The following SYCP1 variants were observed in gnomAD, a reference collection of about 807,000 sequenced individuals.
SYCP1 encodes synaptonemal complex protein 1.
SYCP1 carries 64 observed loss-of-function variants against 153.1 expected under a neutral mutation model. The observed-to-expected ratio is 0.42, with a 90% CI of 0.34 to 0.51. SYCP1 has a LOEUF of 0.51. Ranked by LOEUF, SYCP1 falls within the 20% of genes least tolerant of loss-of-function variation. The pLI is 0.06. For synonymous variants in SYCP1, 384 were observed against 341.8 expected, an observed-to-expected ratio of 1.12 and a Z score of -1.36; for missense variants, 997 against 1,049.0, an observed-to-expected ratio of 0.95 and a Z score of 0.68.
intron 27 of SYCP1, among the ~76,000 whole-genome samples, chr1:114,974,376 A>G (rs1042310771): frequency 6.6e-6 from 1 of 151,936 alleles, no homozygotes; most frequent in African/African-American, 2.4e-5. Context: ...TAAGTGCACC[A>G]TCTTAACACT....
chr1:114,926,507 G>A lies in SYCP1; in HGVS notation c.1870G>A (p.Ala624Thr). The part of the protein sequence containing the change: ...YIEELQQENK[A>T]LKKKGTAESK... The stretch of plus-strand genomic sequence containing the variant: ...TTATTTTTAATTTTAACAGAATAAG[G>A]CCTTGAAAAAAAAAGGTACAGCAGA... The change falls in exon 23 of 32, where the codon GCC (alanine) becomes ACC (threonine). Residue 624 changes from alanine (A) to threonine (T), a missense_variant. Ala to Thr is a moderately conservative substitution (Grantham distance 58). This residue lies in a region of SYCP1 where 712 missense variants were observed against 682.9 expected (regional missense o/e 1.04). Transcript: ENST00000369522. 1.3e-6 allele frequency: 2 copies of A among 1,578,918 alleles called. No homozygotes were observed. The highest frequency in any genetic ancestry group is 1.7e-5 in the Admixed American group (1 of 57,144).
At chr1:114,874,860 T>G (rs1665401994) in intron 9 of SYCP1, among the ~76,000 whole-genome samples, 2 of 152,188 alleles carry the variant, frequency 1.3e-5, no homozygotes, top group Non-Finnish European at 2.9e-5. Flanking sequence ...ATATAAAGTA[T>G]TATTCATCTG....
chr1:114,915,725 T>C (rs573282431), intron 20 of SYCP1, among the ~76,000 whole-genome samples: 1 of 152,320 alleles, frequency 6.6e-6, no homozygotes, highest in South Asian at 2.1e-4. Flanking sequence ...GAATTCTGTC[T>C]AGAGGGCTAG....
chr1:114,957,299 T>C (rs1233931376), intron 27 of SYCP1, among the ~76,000 whole-genome samples: 1 of 152,140 alleles, frequency 6.6e-6, no homozygotes, highest in Non-Finnish European at 1.5e-5. Flanking sequence ...AAGTAAACAT[T>C]AAGTTTACTT....
intron 30 of SYCP1, among the ~76,000 whole-genome samples, chr1:114,994,061 T>C (rs1302042896): frequency 2.0e-5 from 3 of 151,444 alleles, no homozygotes; most frequent in African/African-American, 7.3e-5. Flanking sequence ...TTTTCTTCCT[T>C]TTTGAGGCTG....
intron 23 of SYCP1, among the ~76,000 whole-genome samples, chr1:114,938,310 A>G (rs767049257): frequency 4.6e-5 from 7 of 150,582 alleles, no homozygotes; most frequent in Non-Finnish European, 1.0e-4. Flanking sequence ...GAAAAACCAA[A>G]CACCTCATGT....
At chr1:114,884,613 A>G (rs1333613370) in intron 12 of SYCP1, among the ~76,000 whole-genome samples, 1 of 152,210 alleles carries the variant, frequency 6.6e-6, no homozygotes, top group Non-Finnish European at 1.5e-5. Flanking sequence ...TCTACCATAT[A>G]TCACCATTAT....
chr1:114,954,483 CTAA>C (rs1305201013), intron 27 of SYCP1, among the ~76,000 whole-genome samples: 1 of 151,408 alleles, frequency 6.6e-6, no homozygotes, highest in Non-Finnish European at 1.5e-5. Context: ...GGATGAAGCA[CTAA>C]TATTAATAAA....
At chr1:114,929,706 C>T (rs1669504569) in intron 23 of SYCP1, among the ~76,000 whole-genome samples, 1 of 151,858 alleles carries the variant, frequency 6.6e-6, no homozygotes, top group African/African-American at 2.4e-5. Flanking sequence ...AATAATAAAG[C>T]TTCAAAATAA....
chr1:114,913,100 G>A lies in SYCP1; in HGVS notation c.1597G>A (p.Glu533Lys), dbSNP rs1668289982. 6.2e-7 allele frequency: 1 copy of A among 1,612,204 alleles called. No homozygotes were observed. Among genetic ancestry groups the A allele is most frequent in the African/African-American group, 1.3e-5 (1 of 74,720 alleles). ...ACTAGAAAACAAAGAGCTCACACAG[G>A]AAACAAGTGATATGACCCTAGAACT... The part of the protein sequence containing the change: ...LSLENKELTQ[E>K]TSDMTLELKN... Residue 533 changes from glutamate (E) to lysine (K), a missense_variant, in exon 19 of 32, where the codon GAA (glutamate) becomes AAA (lysine). Around this residue, in one of 2 missense-constraint regions of SYCP1, gnomAD observed 712 missense variants for 682.9 expected, o/e 1.04. Coordinates refer to ENST00000369522, the MANE Select transcript of SYCP1 (RefSeq NM_003176.4).
intron 20 of SYCP1, among the ~76,000 whole-genome samples, chr1:114,923,079 C>T (rs569917503): frequency 6.3e-4 from 96 of 152,208 alleles, no homozygotes; most frequent in Middle Eastern, 3.4e-3. Context: ...CAGCTCTGCC[C>T]CTGTTGCTTT....
chr1:114,918,533 A>C (rs972430968), intron 20 of SYCP1, among the ~76,000 whole-genome samples: 1 of 151,972 alleles, frequency 6.6e-6, no homozygotes, highest in Non-Finnish European at 1.5e-5. Context: ...GAATAATGTC[A>C]TTGGTATTTT....
chr1:114,863,551 C>CAAA (rs113050357), intron 8 of SYCP1, among the ~76,000 whole-genome samples: 1 of 145,214 alleles, frequency 6.9e-6, no homozygotes, highest in South Asian at 2.2e-4. Flanking sequence ...GAGCCCGTCT[C>CAAA]AAAAAAAAAA....
chr1:114,927,980 C>A (rs1270318878), intron 23 of SYCP1, among the ~76,000 whole-genome samples: 1 of 152,052 alleles, frequency 6.6e-6, no homozygotes, highest in Non-Finnish European at 1.5e-5. Flanking sequence ...GCCATCACAT[C>A]CAGCTAATTT....
chr1:114,862,924 C>T (rs1409591351), intron 8 of SYCP1: 5 of 152,126 alleles, frequency 3.3e-5, no homozygotes, highest in Non-Finnish European at 7.4e-5. Flanking sequence ...CCTGCTATGT[C>T]ATGAAATCTT....
intron 12 of SYCP1, among the ~76,000 whole-genome samples, chr1:114,882,987 C>T (rs749420947): frequency 1.3e-5 from 2 of 152,206 alleles, no homozygotes; most frequent in Non-Finnish European, 2.9e-5. Context: ...CTTAAATTCT[C>T]TATCCCATCA....
rs532962963 is a variant in SYCP1, at chr1:114,989,187, C to CAA, written c.2703+4326_2703+4327dup. ...GTCAAAACAAAACAAAACAAAAAAC[C>CAA]AAAAAAAACCCCAAAAACAAAACAG... On this transcript the variant is annotated intron_variant, in intron 30 of 31. Coordinates refer to ENST00000369522, the MANE Select transcript of SYCP1 (RefSeq NM_003176.4). Among the ~76,000 whole-genome samples the CAA allele has an allele frequency of 9.0e-4, 136 of 151,030 alleles. 1 individual carries two copies. Among genetic ancestry groups the CAA allele is most frequent in the African/African-American group, 3.2e-3 (132 of 41,232 alleles).
chr1:114,946,916 T>A (rs533397527), intron 26 of SYCP1, among the ~76,000 whole-genome samples: 1 of 152,100 alleles, frequency 6.6e-6, no homozygotes, highest in South Asian at 2.1e-4. Flanking sequence ...ATTTTTGTAT[T>A]AATATTTTTA....
rs2101543944 is a variant in SYCP1 at position 114,885,572 on chromosome 1, A to G, written c.948A>G (p.Lys316=). ...QSENLKQSIE[K]QHHLTKELED... is the part of the protein sequence containing the mutation. ...AAAACTTAAAACAATCAATTGAGAA[A>G]CAGCATCATTTGACTAAAGAACTAG... Residue 316 remains lysine (K), a synonymous_variant, in exon 13 of 32, where the codon AAA becomes AAG. Coordinates refer to ENST00000369522, the MANE Select transcript of SYCP1 (RefSeq NM_003176.4). The G allele has an allele frequency of 2.5e-6, 4 of 1,585,194 alleles. No homozygotes were observed. Among genetic ancestry groups the G allele is most frequent in the Non-Finnish European group, 3.4e-6 (4 of 1,165,104 alleles).
Sources: gnomAD v4.1 joint callset for allele counts (sites outside exome capture counted in the v4.1 genomes callset) on GRCh38, gnomAD v4.1.1 for gene constraint, gnomAD v4.1.1 regional missense constraint, MANE v1.5 for transcripts, NCBI Gene and HGNC (gene_info 2026-07-23, HGNC 2026-07-21) for gene names.